The following DLL1 variants were observed in gnomAD, a reference collection of about 807,000 sequenced individuals.
DLL1 encodes the protein delta-like protein 1.
A neutral mutation model predicts 75.1 loss-of-function variants in DLL1; 9 were observed. The observed-to-expected ratio is 0.12, with a 90% CI of 0.07 to 0.21. The LOEUF (loss-of-function observed/expected upper bound fraction) is 0.21, where lower values mean the gene tolerates loss of function less well. Among genes scored for constraint, DLL1 ranks in the 10% least tolerant of loss-of-function variants. The pLI is 1.00. For synonymous variants in DLL1, 477 were observed against 418.3 expected, an observed-to-expected ratio of 1.14 and a Z score of -1.71; for missense variants, 837 against 1,007.6, an observed-to-expected ratio of 0.83 and a Z score of 2.29.
chr6:170,284,882 G>A lies in DLL1; in HGVS notation c.1249+37C>T, dbSNP rs753531728. 2.1e-5 allele frequency: 33 copies of A among 1,600,200 alleles called. 1 individual carries two copies. Among genetic ancestry groups the A allele is most frequent in the Admixed American group, 3.3e-5 (2 of 59,988 alleles). ...AATGCCACCTCAGTATTGACCGCTC[G>A]CCCGAGTCTCTGAGCAATCACCAGC... On this transcript the variant is annotated intron_variant, in intron 8 of 10. Coordinates refer to ENST00000366756, the MANE Select transcript of DLL1 (RefSeq NM_005618.4).
chr6:170,286,533 C>T (rs1783697356), intron 4 of DLL1, among the ~76,000 whole-genome samples: 1 of 151,974 alleles, frequency 6.6e-6, no homozygotes, highest in East Asian at 1.9e-4. Context: ...CTCTCGGAAG[C>T]CCCCACCCCC....
chr6:170,284,781 G>T, intron 8 of DLL1, 138 bp downstream of exon 8: 2 of 909,838 alleles, frequency 2.2e-6, no homozygotes, highest in Non-Finnish European at 3.6e-6. Context: ...CAAAGATAGA[G>T]TTTCCATCGA....
chr6:170,285,166 C>A, intron 7 of DLL1, 31 bp from the exon 8 acceptor site: 3 of 1,613,766 alleles, frequency 1.9e-6, no homozygotes, highest in Non-Finnish European at 2.5e-6. Context: ...AAAAGGCTTT[C>A]CAAAGTTGCT....
intron 4 of DLL1, 107 bp downstream of exon 4, chr6:170,288,132 A>G (rs1583155885): frequency 1.3e-6 from 2 of 1,545,706 alleles, no homozygotes; most frequent in East Asian, 4.7e-5. Context: ...TTTCCCCACC[A>G]GAACATCTCT....
chr6:170,288,146 G>A, intron 4 of DLL1, 93 bp downstream of exon 4: 1 of 1,581,810 alleles, frequency 6.3e-7, no homozygotes, highest in Non-Finnish European at 8.6e-7. Flanking sequence ...CATCTCTACA[G>A]TCCCAAGCCC....
chr6:170,289,088 G>A (rs1783776979), intron 2 of DLL1: 1 of 585,924 alleles, frequency 1.7e-6, no homozygotes, highest in Non-Finnish European at 3.0e-6. Context: ...GGGTGGAAGA[G>A]GCCCGAGGGC....
At chr6:170,288,846 G>A in intron 2 of DLL1, 57 bp from the exon 3 acceptor site, 2 of 1,594,032 alleles carry the variant, frequency 1.3e-6, no homozygotes, top group South Asian at 2.2e-5. Flanking sequence ...AAAGAAAACG[G>A]CAAAAAGCAG....
chr6:170,285,141 C>G lies in DLL1; in HGVS notation c.1033-6G>C, dbSNP rs180747193. 2.5e-6 allele frequency: 4 copies of G among 1,613,846 alleles called. No homozygotes were observed. Among genetic ancestry groups the G allele is most frequent in the South Asian group, 1.1e-5 (1 of 91,092 alleles). On this transcript the variant is annotated splice_region_variant and splice_polypyrimidine_tract_variant and intron_variant, in intron 7 of 10. Transcript: ENST00000366756. ...GAGTAGCTGTTCTCGAGATCCTACA[C>G]GATGGAGAGGTCAGAAAAGGCTTTC...
chr6:170,289,210 T>G, intron 2 of DLL1: 1 of 650,538 alleles, frequency 1.5e-6, no homozygotes, highest in Non-Finnish European at 2.8e-6. Context: ...CCTTCCCACG[T>G]GAAGGGGCGC....
chr6:170,286,353 G>T, intron 4 of DLL1, 55 bp from the exon 5 acceptor site: 2 of 1,608,382 alleles, frequency 1.2e-6, no homozygotes, highest in Non-Finnish European at 1.7e-6. Flanking sequence ...TCCCAACAGG[G>T]CTGCCGCCCT....
intron 1 of DLL1, 53 bp from the exon 2 acceptor site, chr6:170,289,861 G>T: frequency 6.5e-7 from 1 of 1,528,662 alleles, no homozygotes. Context: ...CGAGCTAGGG[G>T]GCGTGAGGCC....
chr6:170,288,243 T>A lies in DLL1; in HGVS notation c.666A>T (p.Thr222=). 1 of 1,613,892 alleles carries A rather than the reference T, an allele frequency of 6.2e-7. No individual in the cohort carries two copies. Residue 222 remains threonine, a synonymous_variant, in exon 4 of 11, where the codon ACA becomes ACT. Transcript: ENST00000366756. ...GGTGCCTTCCCAGAGACTCACGCTCTGTGCAGTAGGGCCCTTTCCAGCCAG... is the reference window on the plus strand; with the variant it reads ...GGTGCCTTCCCAGAGACTCACGCTCAGTGCAGTAGGGCCCTTTCCAGCCAG... ...CNPGWKGPYC[T]EPICLPGCDE...
At position 170,290,390 on chromosome 6, in the gene DLL1, G is replaced by C; in HGVS notation, c.-251C>G. On this transcript the variant is annotated 5_prime_UTR_variant, in exon 1 of 11. Transcript: ENST00000366756. This position sits in a 1 kb window ranked among gnomAD's most constrained non-coding sequence, Gnocchi z 4.7. ...GGATGCCCGAGGAAAGGCAGCTCTC[G>C]GGGGACAGCGCGGCGGCGGCGACTT... The C allele has an allele frequency of 2.3e-6, 1 of 426,686 alleles. No individual in the cohort carries two copies. The highest frequency in any genetic ancestry group is 4.1e-6 in the Non-Finnish European group (1 of 244,406). 26.4% of individuals were successfully genotyped at this position (426,686 alleles called of 1,614,324 possible).
In DLL1 at chr6:170,283,881, G is replaced by A. The variant is rs755006235; in HGVS notation, c.1398C>T (p.Ser466=). Residue 466 remains serine, a synonymous_variant, in exon 9 of 11, where the codon TCC becomes TCT. Coordinates refer to ENST00000366756, the MANE Select transcript of DLL1 (RefSeq NM_005618.4). ...CCGTGTAGCCAGGCGGGCAGGTGCAGGAGAAGTCGTTCACGCCATCCCGGC... is the reference window on the plus strand; with the variant it reads ...CCGTGTAGCCAGGCGGGCAGGTGCAAGAGAAGTCGTTCACGCCATCCCGGC... The part of the protein sequence containing the change: ...GTCRDGVNDF[S]CTCPPGYTGR... 1.9e-6 allele frequency: 3 copies of A among 1,606,822 alleles called. No homozygotes were observed. The Admixed American group carries it at 5.0e-5, about 27-fold the overall frequency.
chr6:170,289,299 C>T (rs1409355525), intron 2 of DLL1: 8 of 776,728 alleles, frequency 1.0e-5, no homozygotes, highest in South Asian at 1.6e-5. Context: ...CGCCCCAGCG[C>T]GGTCCCCTCC....
At chr6:170,289,891 G>A (rs1346876187) in intron 1 of DLL1, 83 bp from the exon 2 acceptor site, 2 of 1,436,866 alleles carry the variant, frequency 1.4e-6, no homozygotes, top group Non-Finnish European at 9.3e-7. Flanking sequence ...GGTGTGCGGA[G>A]AGCCTGGAAG....
In DLL1 at chr6:170,289,471, A is replaced by G. The variant is rs752902076; in HGVS notation, c.351+41T>C. The G allele has an allele frequency of 1.3e-4, 198 of 1,524,812 alleles. 1 individual carries two copies. In the Middle Eastern group the frequency reaches 1.3e-3, roughly 10 times the overall value. 94.5% of individuals were successfully genotyped at this position (1,524,812 alleles called of 1,614,324 possible). On this transcript the variant is annotated intron_variant, in intron 2 of 10. Coordinates refer to ENST00000366756, the MANE Select transcript of DLL1 (RefSeq NM_005618.4). ...TCCCAGCGCGTCCTGCAGCCCGCCC[A>G]GCTTCAGGGCCGGCCCGGCGCGCGC...
In DLL1 at chr6:170,282,598, A is replaced by C. The variant is rs1382523592; in HGVS notation, c.*276T>G. On this transcript the variant is annotated 3_prime_UTR_variant, in exon 11 of 11. Transcript: ENST00000366756. ...CAGGCAGTGCATGCTTCTTATGCGT[A>C]ATTCAGTTCACCCATTTAAATATAT... 1 of 593,830 alleles carries C rather than the reference A, an allele frequency of 1.7e-6. No homozygotes were observed. Among genetic ancestry groups the C allele is most frequent in the African/African-American group, 1.9e-5 (1 of 53,700 alleles). The allele number at this position is 593,830 out of a possible 1,614,324, so 36.8% of individuals were successfully genotyped here. A position where few individuals can be genotyped will look rare whatever the true frequency, so the allele number is the denominator to read the frequency against.
At position 170,285,064 on chromosome 6, in the gene DLL1, C is replaced by G. The variant is rs773216503; in HGVS notation, c.1104G>C (p.Met368Ile). ...FYGKICELSA[M>I]TCADGPCFNG... is the part of the protein sequence containing the mutation. Reference sequence around the variant, plus strand: ...TAAAGCAAGGGCCGTCCGCACAGGTCATGGCACTCAATTCACAGATTTTGC... The same window carrying G: ...TAAAGCAAGGGCCGTCCGCACAGGTGATGGCACTCAATTCACAGATTTTGC... The change falls in exon 8 of 11, where the codon ATG becomes ATC. Residue 368 changes from methionine to isoleucine, a missense_variant. By Grantham distance (10) the Met-to-Ile change is conservative (BLOSUM62 1). Around this residue, in one of 2 missense-constraint regions of DLL1, gnomAD observed 533 missense variants for 545.7 expected, o/e 0.98. Transcript: ENST00000366756. 6.2e-7 allele frequency: 1 copy of G among 1,614,182 alleles called. No homozygotes were observed. The highest frequency in any genetic ancestry group is 2.2e-5 in the East Asian group (1 of 44,866).
Sources: allele counts gnomAD v4.1 joint callset (sites outside exome capture counted in the v4.1 genomes callset), GRCh38; gene constraint gnomAD v4.1.1; regional missense constraint gnomAD v4.1.1; non-coding constraint Gnocchi (gnomAD v3.1); transcripts MANE v1.5; gene names NCBI Gene and HGNC (gene_info 2026-07-23, HGNC 2026-07-21).